BPNT1: variants seen among roughly 807,000 people sequenced by gnomAD.
BPNT1 encodes the protein 3'(2'), 5'-bisphosphate nucleotidase 1.
A neutral mutation model predicts 36.9 loss-of-function variants in BPNT1; 28 were observed. That is an observed-to-expected ratio of 0.76 (90% CI 0.56 to 1.04). BPNT1 has a LOEUF of 1.04. BPNT1 is among the 50% of genes least tolerant of loss of function. The pLI, the probability that BPNT1 is intolerant of heterozygous loss-of-function variation, is 0.00. For synonymous variants in BPNT1, 119 were observed against 130.9 expected (o/e 0.91, Z 0.62); for missense variants, 313 against 372.9 (o/e 0.84, Z 1.32).
intron 7 of BPNT1, among the ~76,000 whole-genome samples, chr1:220,061,189 G>A (rs761290979): frequency 5.3e-5 from 8 of 152,068 alleles, no homozygotes; most frequent in Admixed American, 2.0e-4. Context: ...GCTTTGCAGC[G>A]CCACAAAATA....
At chr1:220,086,983 G>T (rs768981030) in intron 1 of BPNT1, among the ~76,000 whole-genome samples, 11 of 146,364 alleles carry the variant, frequency 7.5e-5, no homozygotes, top group Non-Finnish European at 1.5e-4. Context: ...GGAGGCGGAG[G>T]TTGCAGTGAG....
At chr1:220,086,897 A>T (rs1444172757) in intron 1 of BPNT1, among the ~76,000 whole-genome samples, 2 of 150,888 alleles carry the variant, frequency 1.3e-5, no homozygotes, top group Admixed American at 6.6e-5. Context: ...AAAAAAAAAA[A>T]TGAGCCGGGC....
At chr1:220,081,125 C>T (rs187446907) in intron 1 of BPNT1, among the ~76,000 whole-genome samples, 8 of 152,222 alleles carry the variant, frequency 5.3e-5, no homozygotes, top group East Asian at 1.9e-4. Flanking sequence ...TTAGTGGACA[C>T]GGGGTTGCAT....
At chr1:220,064,836 C>G (rs1379098530) in intron 6 of BPNT1, among the ~76,000 whole-genome samples, 1 of 152,100 alleles carries the variant, frequency 6.6e-6, no homozygotes, top group African/African-American at 2.4e-5. Flanking sequence ...GAGACAGAGT[C>G]TTACTGTGTC....
At chr1:220,083,562 C>T (rs571576479) in intron 1 of BPNT1, among the ~76,000 whole-genome samples, 2 of 151,912 alleles carry the variant, frequency 1.3e-5, no homozygotes, top group Admixed American at 6.6e-5. Flanking sequence ...CCACTCGCCT[C>T]GGCCTCGCAA....
chr1:220,075,793 A>G lies in BPNT1; in HGVS notation c.121-1722T>C, dbSNP rs573144911. On this transcript the variant is annotated intron_variant, in intron 2 of 8. Transcript: ENST00000322067. ...AAATAAGGTATCAACGGAAGGATAT[A>G]AAGTACTAGAAATGCCTGAGCACTA... 1.4e-4 allele frequency among the ~76,000 whole-genome samples: 21 copies of G among 152,330 alleles called. No homozygotes were observed. The South Asian group carries it at 3.9e-3, about 29-fold the overall frequency.
intron 4 of BPNT1, among the ~76,000 whole-genome samples, chr1:220,070,277 A>G (rs890647229): frequency 1.3e-5 from 2 of 152,184 alleles, no homozygotes; most frequent in Non-Finnish European, 2.9e-5. Context: ...AACCACTACA[A>G]TGATAACATT....
chr1:220,087,568 C>T (rs1043933267), intron 1 of BPNT1, among the ~76,000 whole-genome samples: 30 of 151,924 alleles, frequency 2.0e-4, no homozygotes, highest in Non-Finnish European at 3.7e-4. Flanking sequence ...CAAAATCAAT[C>T]AATCAATAAA....
In BPNT1 at chr1:220,058,873, C is replaced by T; in HGVS notation, c.898G>A (p.Glu300Lys). The T allele has an allele frequency of 6.2e-7, 1 of 1,614,120 alleles. No individual in the cohort carries two copies. Among genetic ancestry groups the T allele is most frequent in the Non-Finnish European group, 8.5e-7 (1 of 1,180,000 alleles). Residue 300 changes from glutamate (E) to lysine (K), a missense_variant, in exon 9 of 9, where the codon GAA (glutamate) becomes AAA (lysine). Physicochemically the swap from Glu to Lys is moderately conservative, Grantham distance 56 (BLOSUM62 1). Coordinates refer to ENST00000322067, the MANE Select transcript of BPNT1 (RefSeq NM_006085.6). ...GGAACAAGTGCATTTTTAATAGATT[C>T]TGGAACTCGGCTTGCATAGTAGTCA... is the stretch of plus-strand genomic sequence containing the variant. The part of the protein sequence containing the change: ...NYDYYASRVP[E>K]SIKNALVP
In BPNT1 at chr1:220,079,797, G is replaced by C. The variant is rs1012679128; in HGVS notation, c.50C>G (p.Ser17Cys). The C allele has an allele frequency of 6.2e-7, 1 of 1,613,750 alleles. No homozygotes were observed. The highest frequency in any genetic ancestry group is 1.3e-5 in the African/African-American group (1 of 74,856). Residue 17 changes from serine to cysteine, a missense_variant, in exon 2 of 9, where the codon TCT (serine) becomes TGT (cysteine). Physicochemically the swap from Ser to Cys is moderately radical, Grantham distance 112. Coordinates refer to ENST00000322067, the MANE Select transcript of BPNT1 (RefSeq NM_006085.6). ...TATCATTCCTGCCTTTTGAGCAATA[G>C]AATATGCGGAGGCTACCAACCGCAT... ...VLMRLVASAYSIAQKAGMIVR... is the reference protein window; with the variant it reads ...VLMRLVASAYCIAQKAGMIVR...
In BPNT1 at chr1:220,089,057, C is replaced by T. The variant is rs188196514; in HGVS notation, c.-9+629G>A. On this transcript the variant is annotated intron_variant, in intron 1 of 8. Coordinates refer to ENST00000322067, the MANE Select transcript of BPNT1 (RefSeq NM_006085.6). ...TGGAGCTTGCAGTGAGCCGAGATTGCACCACTGCACTCAAGCCTGGGCGAC... is the reference window on the plus strand; with the variant it reads ...TGGAGCTTGCAGTGAGCCGAGATTGTACCACTGCACTCAAGCCTGGGCGAC... Among the ~76,000 whole-genome samples the T allele has an allele frequency of 3.6e-3, 476 of 132,988 alleles. 2 individuals are homozygous for T. Among genetic ancestry groups the T allele is most frequent in the African/African-American group, 0.012 (427 of 35,220 alleles). 87.2% of individuals were successfully genotyped at this position (132,988 alleles called of 152,430 possible).
chr1:220,059,402 G>A (rs546177817), intron 8 of BPNT1, among the ~76,000 whole-genome samples: 20 of 143,466 alleles, frequency 1.4e-4, no homozygotes, highest in Admixed American at 1.3e-3. Context: ...AGACAATAGC[G>A]ACCCTGTGTC....
chr1:220,080,322 A>G (rs1354899482), intron 1 of BPNT1, among the ~76,000 whole-genome samples: 2 of 152,240 alleles, frequency 1.3e-5, no homozygotes, highest in Non-Finnish European at 1.5e-5. Flanking sequence ...TAAGGGATGT[A>G]GGTGTGTAGG....
At position 220,058,187 on chromosome 1, in the gene BPNT1, A is replaced by C. The variant is rs896566369; in HGVS notation, c.*657T>G. 3.0e-6 allele frequency: 3 copies of C among 999,022 alleles called. No individual in the cohort carries two copies. The highest frequency in any genetic ancestry group is 3.6e-6 in the Non-Finnish European group (3 of 836,688). The allele number at this position is 999,022 out of a possible 1,614,324, so 61.9% of individuals were successfully genotyped here. On this transcript the variant is annotated 3_prime_UTR_variant, in exon 9 of 9. Transcript: ENST00000322067. ...CGAGACTCCGTCTCAGGAAAAAAAA[A>C]GAGAAATCTGGTTTAGAAGATAGGA...
chr1:220,079,621 C>CA lies in BPNT1; in HGVS notation c.120+105dup, dbSNP rs1664920212. 1.3e-5 allele frequency: 17 copies of CA among 1,353,286 alleles called. No homozygotes were observed. The South Asian group carries it at 2.1e-4, about 17-fold the overall frequency. The allele number at this position is 1,353,286 out of a possible 1,614,324, so 83.8% of individuals were successfully genotyped here. ...CGTCTTGCAGTCTCCCTAAGGGAGC[C>CA]ATCAATTATTTTAACTGATAAAGTC... On this transcript the variant is annotated intron_variant, in intron 2 of 8. Transcript: ENST00000322067.
At chr1:220,061,117 A>G (rs1662988116) in intron 7 of BPNT1, among the ~76,000 whole-genome samples, 2 of 152,206 alleles carry the variant, frequency 1.3e-5, no homozygotes, top group South Asian at 4.1e-4. Flanking sequence ...GTCTGAAAGA[A>G]AAAGAGCTAG....
chr1:220,070,084 G>C (rs1286764770), intron 4 of BPNT1, among the ~76,000 whole-genome samples: 1 of 152,014 alleles, frequency 6.6e-6, no homozygotes, highest in Non-Finnish European at 1.5e-5. Flanking sequence ...AAAATGTTTT[G>C]AACAAGCACA....
At chr1:220,073,884 G>A (rs575413940) in intron 3 of BPNT1, 83 bp downstream of exon 3, 143 of 1,110,190 alleles carry the variant, frequency 1.3e-4, no homozygotes, top group Non-Finnish European at 7.5e-5. Context: ...AATCATAATA[G>A]TGGTATATAA....
intron 1 of BPNT1, among the ~76,000 whole-genome samples, chr1:220,080,321 T>C (rs953360122): frequency 1.3e-5 from 2 of 152,166 alleles, no homozygotes; most frequent in Admixed American, 6.5e-5. Flanking sequence ...ATAAGGGATG[T>C]AGGTGTGTAG....
Sources: gnomAD v4.1 joint callset for allele counts (sites outside exome capture counted in the v4.1 genomes callset) on GRCh38, gnomAD v4.1.1 for gene constraint, MANE v1.5 for transcripts, NCBI Gene and HGNC (gene_info 2026-07-23, HGNC 2026-07-21) for gene names.